The following SS18 variants were observed in gnomAD, a reference collection of about 807,000 sequenced individuals.
The protein encoded by SS18 is protein SSXT.
In SS18, 28 loss-of-function variants were observed where a neutral mutation model predicts 72.5. That is an observed-to-expected ratio of 0.39 (90% CI 0.29 to 0.53). The LOEUF (loss-of-function observed/expected upper bound fraction) is 0.53. Ranked by LOEUF, SS18 falls within the 20% of genes least tolerant of loss-of-function variation. SS18 has a pLI of 0.76. For synonymous variants in SS18, 172 were observed against 164.2 expected (o/e 1.05, Z -0.37); for missense variants, 518 against 535.3 (o/e 0.97, Z 0.32).
intron 3 of SS18, among the ~76,000 whole-genome samples, chr18:26,077,382 C>T (rs1335248881): frequency 6.6e-6 from 1 of 151,996 alleles, no homozygotes; most frequent in African/African-American, 2.4e-5. Flanking sequence ...GTTAAAGGAC[C>T]ATGAGAATAC....
At chr18:26,074,813 T>C (rs1265473488) in intron 3 of SS18, among the ~76,000 whole-genome samples, 1 of 151,832 alleles carries the variant, frequency 6.6e-6, no homozygotes, top group East Asian at 1.9e-4. Context: ...AGTTGATTCT[T>C]TGAAAAGACT....
intron 5 of SS18, among the ~76,000 whole-genome samples, chr18:26,049,075 T>TA (rs1234575454): frequency 2.0e-5 from 3 of 152,180 alleles, no homozygotes; most frequent in African/African-American, 7.2e-5. Context: ...ACATGGAACT[T>TA]ACAAAACATA....
At chr18:26,036,314 T>G (rs1567996086) in intron 7 of SS18, among the ~76,000 whole-genome samples, 1 of 152,180 alleles carries the variant, frequency 6.6e-6, no homozygotes, top group Non-Finnish European at 1.5e-5. Flanking sequence ...TCTGCTGGTC[T>G]CCAATTCCAC....
intron 5 of SS18, among the ~76,000 whole-genome samples, chr18:26,048,081 G>A (rs2053860675): frequency 6.6e-6 from 1 of 152,194 alleles, no homozygotes; most frequent in African/African-American, 2.4e-5. Flanking sequence ...TAAGTTTACA[G>A]TTTTCCGCTA....
At chr18:26,041,899 A>C (rs942147551) in intron 5 of SS18, among the ~76,000 whole-genome samples, 6 of 152,172 alleles carry the variant, frequency 3.9e-5, no homozygotes, top group African/African-American at 1.4e-4. Flanking sequence ...CAAAGAGCTC[A>C]ATTACTACCC....
At chr18:26,038,733 T>A in intron 6 of SS18, 74 bp from the exon 7 acceptor site, 2 of 1,309,234 alleles carry the variant, frequency 1.5e-6, no homozygotes, top group Non-Finnish European at 2.2e-6. Context: ...TCTAATTTGA[T>A]ATTATGAAAG....
chr18:26,069,523 A>AAAG (rs1555651858), intron 3 of SS18, among the ~76,000 whole-genome samples: 3 of 150,546 alleles, frequency 2.0e-5, no homozygotes, highest in African/African-American at 7.3e-5. Context: ...AAAAAAAAAA[A>AAAG]AAAGAAAAAG....
At chr18:26,036,369 T>C (rs980544346) in intron 7 of SS18, among the ~76,000 whole-genome samples, 1 of 152,184 alleles carries the variant, frequency 6.6e-6, no homozygotes, top group Non-Finnish European at 1.5e-5. Context: ...GTTCCATAAG[T>C]TTTTCCCCTG....
chr18:26,018,181 G>T lies in SS18; in HGVS notation c.*173C>A. 1 of 544,656 alleles carries T rather than the reference G, an allele frequency of 1.8e-6. No individual in the cohort carries two copies. Among genetic ancestry groups the T allele is most frequent in the Non-Finnish European group, 3.3e-6 (1 of 303,784 alleles). The allele number at this position is 544,656 out of a possible 1,614,324, so 33.7% of individuals were successfully genotyped here. A position where few individuals can be genotyped will look rare whatever the true frequency, so the allele number is the denominator to read the frequency against. On this transcript the variant is annotated 3_prime_UTR_variant, in exon 11 of 11. Transcript: ENST00000415083. ...TCAAGAGTATTTTTGAGCTACTAAA[G>T]CCTTTTATAACTAAACCACAAAGGC...
At chr18:26,050,162 G>A (rs923372068) in intron 5 of SS18, among the ~76,000 whole-genome samples, 3 of 151,774 alleles carry the variant, frequency 2.0e-5, no homozygotes, top group Admixed American at 6.6e-5. Context: ...TTGAACCCAG[G>A]AGGCGGAAGC....
chr18:26,038,588 G>A lies in SS18; in HGVS notation c.847C>T (p.Pro283Ser). The A allele has an allele frequency of 6.2e-7, 1 of 1,613,470 alleles. No homozygotes were observed. The highest frequency in any genetic ancestry group is 8.5e-7 in the Non-Finnish European group (1 of 1,179,570). ...DQYSHGGQGP[P>S]EGMNQQYYPD... The stretch of plus-strand genomic sequence containing the variant: ...TAATATTGCTGGTTCATGCCTTCTG[G>A]AGGACCTTGTCCACCATGACTGTAT... Residue 283 changes from proline to serine, a missense_variant, in exon 7 of 11, where the codon CCA becomes TCA. By Grantham distance (74) the Pro-to-Ser change is moderately conservative. Coordinates refer to ENST00000415083, the MANE Select transcript of SS18 (RefSeq NM_001007559.3).
chr18:26,042,383 A>G (rs1435644400), intron 5 of SS18, among the ~76,000 whole-genome samples: 2 of 152,174 alleles, frequency 1.3e-5, no homozygotes, highest in East Asian at 1.9e-4. Flanking sequence ...ATACATATGC[A>G]AAGACCCTAC....
chr18:26,065,242 GA>G (rs2054191980), intron 3 of SS18, among the ~76,000 whole-genome samples: 1 of 152,062 alleles, frequency 6.6e-6, no homozygotes, highest in Admixed American at 6.5e-5. Flanking sequence ...AACTTTGCAT[GA>G]AAATGCAAAG....
intron 2 of SS18, chr18:26,082,521 G>C: frequency 1.0e-6 from 1 of 985,040 alleles, no homozygotes; most frequent in Non-Finnish European, 1.2e-6. Context: ...GAATAGTTTG[G>C]ACTCACCCTA....
At chr18:26,019,533 A>G (rs1018836663) in intron 10 of SS18, among the ~76,000 whole-genome samples, 1 of 152,134 alleles carries the variant, frequency 6.6e-6, no homozygotes, top group African/African-American at 2.4e-5. Flanking sequence ...TTTATGGGCC[A>G]GGCATGGTGA....
chr18:26,033,513 A>T (rs1364329019), intron 9 of SS18, among the ~76,000 whole-genome samples: 4 of 146,684 alleles, frequency 2.7e-5, no homozygotes, highest in Non-Finnish European at 6.1e-5. Context: ...ACTCCGTCCA[A>T]AAAAAAAAAA....
intron 3 of SS18, among the ~76,000 whole-genome samples, chr18:26,059,728 G>A (rs1485586213): frequency 2.6e-5 from 4 of 152,092 alleles, no homozygotes; most frequent in Non-Finnish European, 5.9e-5. Context: ...ACATACCAAA[G>A]GAAAACTTAA....
In SS18 at chr18:26,035,770, A is replaced by G; in HGVS notation, c.973+61T>C. The G allele has an allele frequency of 8.1e-7, 1 of 1,231,596 alleles. No individual in the cohort carries two copies. Among genetic ancestry groups the G allele is most frequent in the Non-Finnish European group, 1.1e-6 (1 of 887,354 alleles). The allele number at this position is 1,231,596 out of a possible 1,614,324, so 76.3% of individuals were successfully genotyped here. A position where few individuals can be genotyped will look rare whatever the true frequency, so the allele number is the denominator to read the frequency against. ...GCATGGGTAGAAGTTGTCTTATGCA[A>G]GAATTTTCATTCCTGTAGAAGGGGA... is the stretch of plus-strand genomic sequence containing the variant. On this transcript the variant is annotated intron_variant, in intron 8 of 10. Transcript: ENST00000415083. This position sits in a 1 kb window ranked among gnomAD's most constrained non-coding sequence, Gnocchi z 4.4.
intron 5 of SS18, among the ~76,000 whole-genome samples, chr18:26,051,411 C>G (rs1233096149): frequency 1.3e-5 from 2 of 152,046 alleles, no homozygotes; most frequent in Non-Finnish European, 1.5e-5. Flanking sequence ...TTTTTTTCTT[C>G]GAATCTTATT....
Sources: allele counts gnomAD v4.1 joint callset (sites outside exome capture counted in the v4.1 genomes callset), GRCh38; gene constraint gnomAD v4.1.1; non-coding constraint Gnocchi (gnomAD v3.1); transcripts MANE v1.5; gene names NCBI Gene and HGNC (gene_info 2026-07-23, HGNC 2026-07-21).